The following BBX variants were observed in gnomAD, a reference collection of about 807,000 sequenced individuals.
The protein encoded by BBX is BBX high mobility group box domain containing.
A neutral mutation model predicts 100.2 loss-of-function variants in BBX; 30 were observed. The observed-to-expected ratio is 0.30, with a 90% CI of 0.22 to 0.41. The LOEUF is 0.41. Among genes scored for constraint, BBX ranks in the 10% least tolerant of loss-of-function variants. BBX has a pLI of 1.00. For synonymous variants in BBX, 376 were observed against 388.1 expected, an observed-to-expected ratio of 0.97 and a Z score of 0.37; for missense variants, 1,023 against 1,129.8, an observed-to-expected ratio of 0.91 and a Z score of 1.35.
intron 3 of BBX, among the ~76,000 whole-genome samples, chr3:107,690,742 GA>G (rs2060106873): frequency 6.6e-6 from 1 of 151,934 alleles, no homozygotes; most frequent in Admixed American, 6.6e-5. Flanking sequence ...GGGCTGTAAG[GA>G]AGATACTCTA....
At chr3:107,742,524 AAG>A (rs2064198517) in intron 7 of BBX, among the ~76,000 whole-genome samples, 1 of 152,162 alleles carries the variant, frequency 6.6e-6, no homozygotes, top group Non-Finnish European at 1.5e-5. Context: ...ACTAGGTTTT[AAG>A]AGAGGACATG....
At chr3:107,713,967 C>CTTTTTTTTTTTTTTTT (rs569427270) in intron 4 of BBX, among the ~76,000 whole-genome samples, 2 of 82,320 alleles carry the variant, frequency 2.4e-5, no homozygotes, top group Non-Finnish European at 5.2e-5. Context: ...TAATTTTTTT[C>CTTTTTTTTTTTTTTTT]TTTTTTTTTT....
chr3:107,561,129 A>G (rs904068345), intron 2 of BBX, among the ~76,000 whole-genome samples: 4 of 152,238 alleles, frequency 2.6e-5, no homozygotes, highest in South Asian at 2.1e-4. Flanking sequence ...GAGAACCAGC[A>G]TGCTAGCAAA....
chr3:107,523,245 G>GGCA lies in BBX; in HGVS notation c.-156+141_-156+143dup, dbSNP rs1025707691. On this transcript the variant is annotated intron_variant, in intron 1 of 17. Coordinates refer to ENST00000325805, the MANE Select transcript of BBX (RefSeq NM_001142568.3). ...CGGCGGCGGCGGCGGCGGCGGCGGCGGCAGCCGGTAGGGTGGACTTGAGGA... is the reference window on the plus strand; with the variant it reads ...CGGCGGCGGCGGCGGCGGCGGCGGCGGCAGCAGCCGGTAGGGTGGACTTGAGGA... 6 of 221,662 alleles carry GGCA rather than the reference G, an allele frequency of 2.7e-5. 1 individual carries two copies. The highest frequency in any genetic ancestry group is 1.6e-4 in the South Asian group (3 of 19,156). 13.7% of individuals were successfully genotyped at this position (221,662 alleles called of 1,614,324 possible).
intron 10 of BBX, among the ~76,000 whole-genome samples, chr3:107,769,169 CATAGATAGATAG>C (rs61134656): frequency 0.045 from 5,967 of 132,418 alleles, 169 homozygotes; most frequent in South Asian, 0.11. Context: ...CTCTATCATT[CATAGATAGATAG>C]ATAGATAGAT....
chr3:107,769,952 A>C (rs1028063023), intron 10 of BBX, among the ~76,000 whole-genome samples: 1 of 152,224 alleles, frequency 6.6e-6, no homozygotes, highest in Non-Finnish European at 1.5e-5. Flanking sequence ...TTTGATTTAC[A>C]TGTATAGTTT....
intron 3 of BBX, among the ~76,000 whole-genome samples, chr3:107,701,669 A>G (rs1022534423): frequency 6.6e-6 from 1 of 152,222 alleles, no homozygotes; most frequent in African/African-American, 2.4e-5. Context: ...TGGAGACTCC[A>G]TGAACTTGTC....
At chr3:107,587,695 T>C (rs186251049) in intron 2 of BBX, among the ~76,000 whole-genome samples, 1 of 152,216 alleles carries the variant, frequency 6.6e-6, no homozygotes, top group Admixed American at 6.5e-5. Context: ...ACTGAAATCA[T>C]TCGAATTCAT....
At chr3:107,568,667 C>T (rs142085812) in intron 2 of BBX, among the ~76,000 whole-genome samples, 2 of 152,222 alleles carry the variant, frequency 1.3e-5, no homozygotes, top group East Asian at 3.9e-4. Context: ...CCTAACTTTT[C>T]TTTTTTTAAC....
intron 9 of BBX, among the ~76,000 whole-genome samples, chr3:107,751,088 T>A (rs77221877): frequency 6.6e-6 from 1 of 152,078 alleles, no homozygotes; most frequent in East Asian, 1.9e-4. Context: ...ATGTGTTTTT[T>A]AAAAAACACC....
At chr3:107,800,035 G>T (rs1405268876) in intron 16 of BBX, among the ~76,000 whole-genome samples, 1 of 152,162 alleles carries the variant, frequency 6.6e-6, no homozygotes, top group Non-Finnish European at 1.5e-5. Context: ...GACAGTTTAT[G>T]AATTTTGTGC....
intron 3 of BBX, among the ~76,000 whole-genome samples, chr3:107,666,787 G>T (rs1295273932): frequency 6.6e-6 from 1 of 152,138 alleles, no homozygotes; most frequent in East Asian, 1.9e-4. Flanking sequence ...GGCCGGGATG[G>T]TCTCAATCTC....
intron 2 of BBX, among the ~76,000 whole-genome samples, chr3:107,549,744 C>T (rs2049520605): frequency 6.6e-6 from 1 of 152,102 alleles, no homozygotes; most frequent in Admixed American, 6.6e-5. Flanking sequence ...TTCCTTGCAG[C>T]TGAAGTGCTG....
intron 2 of BBX, among the ~76,000 whole-genome samples, chr3:107,617,712 A>C (rs140445903): frequency 0.01 from 1,589 of 152,148 alleles, 32 homozygotes; most frequent in African/African-American, 0.036. Context: ...CATATGTTAA[A>C]GTACAATTGA....
intron 2 of BBX, among the ~76,000 whole-genome samples, chr3:107,639,672 C>T (rs2057073311): frequency 6.6e-6 from 1 of 152,098 alleles, no homozygotes; most frequent in South Asian, 2.1e-4. Context: ...TACTTCTCCA[C>T]TTATGGAAAC....
At chr3:107,787,915 G>A (rs1300956781) in intron 13 of BBX, among the ~76,000 whole-genome samples, 1 of 152,190 alleles carries the variant, frequency 6.6e-6, no homozygotes, top group Non-Finnish European at 1.5e-5. Flanking sequence ...ATGTGCAGAG[G>A]ACTGCCAGGA....
At chr3:107,532,210 C>T (rs2048209309) in intron 2 of BBX, among the ~76,000 whole-genome samples, 1 of 151,388 alleles carries the variant, frequency 6.6e-6, no homozygotes, top group African/African-American at 2.4e-5. Flanking sequence ...AAAACCAAAA[C>T]AAAAACATGT....
chr3:107,743,392 G>T (rs907994670), intron 7 of BBX, among the ~76,000 whole-genome samples: 2 of 152,080 alleles, frequency 1.3e-5, no homozygotes, highest in Admixed American at 1.3e-4. Flanking sequence ...GTGTCTCCTT[G>T]GTGGGACATT....
chr3:107,562,494 ATTTT>A (rs1177559808), intron 2 of BBX, among the ~76,000 whole-genome samples: 1 of 152,098 alleles, frequency 6.6e-6, no homozygotes, highest in Non-Finnish European at 1.5e-5. Flanking sequence ...GGAATATCTC[ATTTT>A]ATGTAGTAAT....
Sources: allele counts gnomAD v4.1 joint callset (sites outside exome capture counted in the v4.1 genomes callset), GRCh38; gene constraint gnomAD v4.1.1; transcripts MANE v1.5; gene names NCBI Gene and HGNC (gene_info 2026-07-23, HGNC 2026-07-21).